ADAMTS17: variants seen among roughly 807,000 people sequenced by gnomAD.
The protein encoded by ADAMTS17 is A disintegrin and metalloproteinase with thrombospondin motifs 17.
Under a neutral mutation model 141.5 loss-of-function variants are expected in ADAMTS17, and 113 were observed. That is an observed-to-expected ratio of 0.80 (90% confidence interval 0.69 to 0.93). The LOEUF is 0.93. Ranked by LOEUF, ADAMTS17 falls within the 40% of genes least tolerant of loss-of-function variation. The pLI is 0.00. For synonymous variants in ADAMTS17, 768 were observed against 630.6 expected (o/e 1.22, Z -3.27); for missense variants, 1,659 against 1,517.9 (o/e 1.09, Z -1.54).
chr15:99,995,024 G>C (rs955089735), intron 19 of ADAMTS17, among the ~76,000 whole-genome samples: 32 of 152,228 alleles, frequency 2.1e-4, no homozygotes, highest in African/African-American at 7.5e-4. Context: ...TGTAGAGCTG[G>C]TTTAAAGGGT....
At chr15:100,281,582 G>A (rs1254049729) in intron 3 of ADAMTS17, among the ~76,000 whole-genome samples, 181 bp from the exon 4 acceptor site, 2 of 152,182 alleles carry the variant, frequency 1.3e-5, no homozygotes, top group African/African-American at 2.4e-5. Flanking sequence ...ACGTAGGGGG[G>A]TGCTGGCCCA....
At chr15:100,321,355 T>C (rs1399281794) in intron 3 of ADAMTS17, among the ~76,000 whole-genome samples, 2 of 152,162 alleles carry the variant, frequency 1.3e-5, no homozygotes, top group Non-Finnish European at 2.9e-5. Flanking sequence ...AAATGAATTC[T>C]AGCAATACTA....
At chr15:100,156,801 T>A (rs1176397484) in intron 8 of ADAMTS17, among the ~76,000 whole-genome samples, 6 of 152,168 alleles carry the variant, frequency 3.9e-5, no homozygotes, top group Admixed American at 1.3e-4. Context: ...TCTTTTACAA[T>A]CCTTTTTATG....
chr15:100,015,870 T>A (rs1226805956), intron 18 of ADAMTS17, among the ~76,000 whole-genome samples: 1 of 152,224 alleles, frequency 6.6e-6, no homozygotes, highest in Non-Finnish European at 1.5e-5. Context: ...TGCGATGCAT[T>A]TCCCACGTGT....
At chr15:100,176,433 T>A (rs2141498500) in intron 8 of ADAMTS17, among the ~76,000 whole-genome samples, 1 of 152,320 alleles carries the variant, frequency 6.6e-6, no homozygotes, top group South Asian at 2.1e-4. Flanking sequence ...TGGTACGAAG[T>A]GTGACCCGGA....
chr15:100,279,940 T>C (rs971084052), intron 4 of ADAMTS17, among the ~76,000 whole-genome samples: 5 of 152,176 alleles, frequency 3.3e-5, no homozygotes, highest in Non-Finnish European at 5.9e-5. Context: ...AGGCTCCTCC[T>C]GCACCTGTCA....
At chr15:100,217,280 T>C (rs192637089) in intron 7 of ADAMTS17, among the ~76,000 whole-genome samples, 1 of 152,206 alleles carries the variant, frequency 6.6e-6, no homozygotes, top group African/African-American at 2.4e-5. Flanking sequence ...CTTCGCATCA[T>C]ACACAAAAAT....
At chr15:99,984,774 C>T (rs762085812) in intron 20 of ADAMTS17, among the ~76,000 whole-genome samples, 1 of 152,220 alleles carries the variant, frequency 6.6e-6, no homozygotes, top group Admixed American at 6.5e-5. Flanking sequence ...CAAAAAAGCA[C>T]TCCTTAGGGA....
intron 14 of ADAMTS17, among the ~76,000 whole-genome samples, chr15:100,104,195 G>A (rs187428956): frequency 3.3e-5 from 5 of 152,344 alleles, no homozygotes; most frequent in Non-Finnish European, 5.9e-5. Flanking sequence ...AGCTCCAGAT[G>A]CAGTTGTGTA....
chr15:100,164,811 C>T (rs554829910), intron 8 of ADAMTS17, among the ~76,000 whole-genome samples: 2 of 152,166 alleles, frequency 1.3e-5, no homozygotes, highest in South Asian at 2.1e-4. Flanking sequence ...TGTGGTAAGA[C>T]TCCTGGAGTA....
chr15:100,059,028 T>C (rs4246299), intron 15 of ADAMTS17, among the ~76,000 whole-genome samples: 104,844 of 152,126 alleles, frequency 0.69, 39,985 homozygotes, highest in East Asian at 0.89. Context: ...CAGATTTTGC[T>C]ATCCACCTGG....
intron 3 of ADAMTS17, among the ~76,000 whole-genome samples, chr15:100,295,611 C>T (rs185052969): frequency 8.5e-5 from 13 of 152,326 alleles, no homozygotes; most frequent in East Asian, 7.7e-4. Context: ...CCCTCCTTCA[C>T]GCTCTGTGAT....
chr15:100,000,916 A>G (rs571869774), intron 18 of ADAMTS17, among the ~76,000 whole-genome samples: 1 of 152,330 alleles, frequency 6.6e-6, no homozygotes, highest in African/African-American at 2.4e-5. Flanking sequence ...ACGTATGCTT[A>G]TTTCTCTCAT....
intron 8 of ADAMTS17, among the ~76,000 whole-genome samples, chr15:100,197,078 T>A (rs78599821): frequency 6.6e-6 from 1 of 152,210 alleles, no homozygotes; most frequent in Non-Finnish European, 1.5e-5. Context: ...TAACCATTCA[T>A]CTTTGCAGAC....
At chr15:100,180,015 A>C (rs1596202294) in intron 8 of ADAMTS17, among the ~76,000 whole-genome samples, 1 of 152,084 alleles carries the variant, frequency 6.6e-6, no homozygotes, top group Non-Finnish European at 1.5e-5. Context: ...TGTTGTGCAG[A>C]AGCTTCTTAA....
intron 4 of ADAMTS17, among the ~76,000 whole-genome samples, chr15:100,265,326 G>C (rs764758089): frequency 1.3e-5 from 2 of 152,164 alleles, no homozygotes; most frequent in African/African-American, 2.4e-5. Flanking sequence ...TTTTCCCATG[G>C]AAACTCATGC....
chr15:100,041,335 A>G (rs2031235487), intron 18 of ADAMTS17, among the ~76,000 whole-genome samples: 1 of 152,234 alleles, frequency 6.6e-6, no homozygotes, highest in African/African-American at 2.4e-5. Flanking sequence ...CCATAGGGAA[A>G]TATCTAATAA....
intron 7 of ADAMTS17, among the ~76,000 whole-genome samples, chr15:100,250,372 G>C (rs1180187046): frequency 6.6e-6 from 1 of 152,198 alleles, no homozygotes; most frequent in African/African-American, 2.4e-5. Flanking sequence ...GCTGGATCCT[G>C]AGGTTTCAAG....
intron 18 of ADAMTS17, among the ~76,000 whole-genome samples, chr15:100,034,467 G>A (rs2030504121): frequency 6.6e-6 from 1 of 152,222 alleles, no homozygotes; most frequent in South Asian, 2.1e-4. Flanking sequence ...CTGCAGCCTG[G>A]GAAGCACCTG....
Sources: allele counts gnomAD v4.1 joint callset (sites outside exome capture counted in the v4.1 genomes callset), GRCh38; gene constraint gnomAD v4.1.1; transcripts MANE v1.5; gene names NCBI Gene and HGNC (gene_info 2026-07-23, HGNC 2026-07-21).